Variants in BUD13 observed in about 807,000 individuals in gnomAD.
BUD13 encodes the protein BUD13 homolog.
A neutral mutation model predicts 62.5 loss-of-function variants in BUD13; 47 were observed. That is an observed-to-expected ratio of 0.75 (90% CI 0.60 to 0.96). BUD13 has a LOEUF of 0.96. Among genes scored for constraint, BUD13 ranks in the 40% least tolerant of loss-of-function variants. The probability of loss-of-function intolerance (pLI) is 0.00; values close to 1 mark genes in which losing one functional copy is unlikely to be tolerated. For missense variants in BUD13, 821 were observed against 790.9 expected (o/e 1.04, Z -0.46); for synonymous variants, 293 against 280.1 (o/e 1.05, Z -0.46).
chr11:116,768,038 G>A (rs1362218484), intron 2 of BUD13, among the ~76,000 whole-genome samples: 2 of 151,398 alleles, frequency 1.3e-5, no homozygotes, highest in East Asian at 1.9e-4. Context: ...TATTGACGAC[G>A]TAGGCAAACT....
chr11:116,759,018 TA>T (rs35268246), intron 6 of BUD13, 55 bp downstream of exon 6: 212,547 of 1,070,784 alleles, frequency 0.2, 7,105 homozygotes, highest in African/African-American at 0.24. Context: ...TAAGCTAAAT[TA>T]AAAAAAAAAA....
intron 2 of BUD13, among the ~76,000 whole-genome samples, chr11:116,769,754 T>C (rs1341047819): frequency 2.6e-5 from 4 of 152,000 alleles, no homozygotes; most frequent in African/African-American, 9.7e-5. Flanking sequence ...GCTGGAAAAA[T>C]AAATTTGAGA....
chr11:116,764,224 A>G (rs543226948), intron 3 of BUD13, among the ~76,000 whole-genome samples: 1 of 152,330 alleles, frequency 6.6e-6, no homozygotes, highest in Admixed American at 6.5e-5. Flanking sequence ...CTCTACCTCT[A>G]TTTCTTGTCA....
At chr11:116,750,930 C>G (rs1304934040) in intron 9 of BUD13, among the ~76,000 whole-genome samples, 1 of 152,150 alleles carries the variant, frequency 6.6e-6, no homozygotes, top group East Asian at 1.9e-4. Context: ...CCTGGTAACA[C>G]CATGGTGTCT....
chr11:116,772,935 G>C lies in BUD13; in HGVS notation c.30C>G (p.Ala10=). Residue 10 remains alanine (A), a synonymous_variant, in exon 1 of 10, where the codon GCC becomes GCG. Transcript: ENST00000260210. The part of the protein sequence containing the change: MAAAPPLSK[A]EYLKRYLSGA... Reference sequence around the variant, plus strand: ...CGGACAAGTAACGCTTCAGATACTCGGCCTTGGAAAGCGGCGGAGCTGCCG... The same window carrying C: ...CGGACAAGTAACGCTTCAGATACTCCGCCTTGGAAAGCGGCGGAGCTGCCG... 7.0e-6 allele frequency: 11 copies of C among 1,578,258 alleles called. No individual in the cohort carries two copies. The highest frequency in any genetic ancestry group is 2.4e-5 in the East Asian group (1 of 41,760).
At chr11:116,759,789 C>G (rs1439394106) in intron 5 of BUD13, among the ~76,000 whole-genome samples, 1 of 152,138 alleles carries the variant, frequency 6.6e-6, no homozygotes, top group Non-Finnish European at 1.5e-5. Flanking sequence ...AAACAGAGAC[C>G]TCTTTTTTCC....
rs1260762834 is a variant in BUD13, at chr11:116,760,915, A to C, written c.1074T>G (p.Ser358=). The C allele has an allele frequency of 6.2e-7, 1 of 1,614,162 alleles. No homozygotes were observed. Among genetic ancestry groups the C allele is most frequent in the Non-Finnish European group, 8.5e-7 (1 of 1,180,022 alleles). ...CQKATDSDLS[S]PRHKQSPGHQ... ...GCCCTGGACTTTGTTTATGCCGTGG[A>C]GAAGAAAGGTCTGAATCAGTTGCTT... The change falls in exon 5 of 10, where the codon TCT becomes TCG. Residue 358 remains serine, a synonymous_variant. Coordinates refer to ENST00000260210, the MANE Select transcript of BUD13 (RefSeq NM_032725.4).
chr11:116,751,145 T>C (rs1433949413), intron 9 of BUD13, among the ~76,000 whole-genome samples: 4 of 152,238 alleles, frequency 2.6e-5, no homozygotes. Context: ...TCTTCTATAG[T>C]AACACTAACC....
intron 2 of BUD13, among the ~76,000 whole-genome samples, chr11:116,766,434 CA>C (rs1468465140): frequency 6.6e-6 from 1 of 152,216 alleles, no homozygotes. Flanking sequence ...CTACTTCTCC[CA>C]AAATCCTACC....
intron 2 of BUD13, among the ~76,000 whole-genome samples, 199 bp from the exon 3 acceptor site, chr11:116,765,645 T>C (rs1006696617): frequency 2.6e-5 from 4 of 152,248 alleles, no homozygotes; most frequent in Non-Finnish European, 5.9e-5. Flanking sequence ...ATTGGTTTAA[T>C]TGTAGATCCT....
At chr11:116,762,189 A>G (rs1394421614) in intron 4 of BUD13, among the ~76,000 whole-genome samples, 2 of 152,228 alleles carry the variant, frequency 1.3e-5, no homozygotes, top group Non-Finnish European at 2.9e-5. Context: ...ACACAGCCAG[A>G]GCTCAACTAT....
At chr11:116,760,179 G>A (rs1308056780) in intron 5 of BUD13, among the ~76,000 whole-genome samples, 1 of 152,172 alleles carries the variant, frequency 6.6e-6, no homozygotes, top group Non-Finnish European at 1.5e-5. Flanking sequence ...ATTTATACTA[G>A]TAAATCACTA....
intron 5 of BUD13, among the ~76,000 whole-genome samples, chr11:116,759,921 T>C (rs1225050627): frequency 6.6e-6 from 1 of 152,164 alleles, no homozygotes; most frequent in Non-Finnish European, 1.5e-5. Flanking sequence ...GGGAGAAAAA[T>C]GCACATCACA....
At chr11:116,749,081 C>T (rs995611833) in intron 9 of BUD13, among the ~76,000 whole-genome samples, 6 of 152,060 alleles carry the variant, frequency 3.9e-5, no homozygotes, top group African/African-American at 1.4e-4. Flanking sequence ...ATCATTCATC[C>T]TTTTCTTAGT....
chr11:116,755,678 T>C (rs935275731), intron 9 of BUD13, among the ~76,000 whole-genome samples: 1 of 152,228 alleles, frequency 6.6e-6, no homozygotes, highest in Admixed American at 6.5e-5. Context: ...TACCTATTAT[T>C]AAGTCAGACA....
rs114326669 is a variant in BUD13 at position 116,755,671 on chromosome 11, C to T, written c.1766+1475G>A. 7.8e-3 allele frequency among the ~76,000 whole-genome samples: 1,190 copies of T among 152,230 alleles called. 18 individuals are homozygous for T. Among genetic ancestry groups the T allele is most frequent in the African/African-American group, 0.026 (1,097 of 41,512 alleles). On this transcript the variant is annotated intron_variant, in intron 9 of 9. Transcript: ENST00000260210. ...ACAGACAAATACAGAGTCAAGTTAC[C>T]TATTATTAAGTCAGACATTAATGAG...
Position 116,758,260 on chromosome 11 carries a change from T to C in BUD13, c.1499+9A>G, listed in dbSNP as rs375547017. 10 of 1,613,562 alleles carry C rather than the reference T, an allele frequency of 6.2e-6. No homozygotes were observed. Among genetic ancestry groups the C allele is most frequent in the Non-Finnish European group, 8.5e-6 (10 of 1,179,746 alleles). ...GCCATCTTGTTTACCCTTTCAGTGG[T>C]TCCCTTACCCTTTTCCCCACTGGGC... On this transcript the variant is annotated intron_variant, in intron 7 of 9. Transcript: ENST00000260210.
At position 116,763,062 on chromosome 11, in the gene BUD13, G is replaced by A. The variant is rs768661605; in HGVS notation, c.527C>T (p.Pro176Leu). The A allele has an allele frequency of 1.9e-6, 3 of 1,612,822 alleles. No homozygotes were observed. The highest frequency in any genetic ancestry group is 1.3e-5 in the African/African-American group (1 of 74,634). ...GGAGTCATGACGGATCCTCCTGGGA[G>A]GAGATGTGTCTGAGTCATGACGAGC... ...RGARHDSDTS[P>L]PRRIRHDSSD... is the part of the protein sequence containing the mutation. The change falls in exon 4 of 10, where the codon CCT becomes CTT. Residue 176 changes from proline (P) to leucine (L), a missense_variant. Pro to Leu is a moderately conservative substitution (Grantham distance 98, BLOSUM62 -3). Transcript: ENST00000260210.
At chr11:116,755,578 C>T (rs1940307811) in intron 9 of BUD13, among the ~76,000 whole-genome samples, 1 of 152,122 alleles carries the variant, frequency 6.6e-6, no homozygotes, top group Non-Finnish European at 1.5e-5. Context: ...ATATAATATG[C>T]CTTCTCTTTC....
Sources: gnomAD v4.1 joint callset for allele counts (sites outside exome capture counted in the v4.1 genomes callset) on GRCh38, gnomAD v4.1.1 for gene constraint, MANE v1.5 for transcripts, NCBI Gene and HGNC (gene_info 2026-07-23, HGNC 2026-07-21) for gene names.